ZNF282: variants seen among roughly 807,000 people sequenced by gnomAD.
The protein encoded by ZNF282 is HTLV-I U5 repressive element-binding protein 1.
ZNF282 carries 30 observed loss-of-function variants against 61.9 expected under a neutral mutation model. The observed-to-expected ratio is 0.48, with a 90% confidence interval of 0.36 to 0.66. ZNF282 has a LOEUF of 0.66. ZNF282 is among the 30% of genes least tolerant of loss of function. The pLI, the probability that ZNF282 is intolerant of heterozygous loss-of-function variation, is 0.00. For synonymous variants in ZNF282, 396 were observed against 405.0 expected, an observed-to-expected ratio of 0.98 and a Z score of 0.27; for missense variants, 788 against 941.4, an observed-to-expected ratio of 0.84 and a Z score of 2.13.
At chr7:149,207,889 G>T (rs570091954) in intron 4 of ZNF282, among the ~76,000 whole-genome samples, 6 of 152,286 alleles carry the variant, frequency 3.9e-5, no homozygotes, top group African/African-American at 1.4e-4. Flanking sequence ...CACCTCATTC[G>T]TCGGCCGACA....
chr7:149,208,483 G>A (rs933683735), intron 4 of ZNF282, among the ~76,000 whole-genome samples: 20 of 151,916 alleles, frequency 1.3e-4, no homozygotes, highest in African/African-American at 3.6e-4. Flanking sequence ...GATTACAGGC[G>A]TGAGCCACCA....
Position 149,209,663 on chromosome 7 carries a change from TGACTCATCCACTG to T in ZNF282, c.833-921_833-909del, listed in dbSNP as rs1167501183. 2.6e-5 allele frequency among the ~76,000 whole-genome samples: 4 copies of T among 152,308 alleles called. No individual in the cohort carries two copies. The South Asian group carries it at 6.2e-4, about 24-fold the overall frequency. On this transcript the variant is annotated intron_variant, in intron 4 of 7. Coordinates refer to ENST00000610704, the MANE Select transcript of ZNF282 (RefSeq NM_003575.4). ...TAGACCGGAACCCAGAGAGGCTAAA[TGACTCATCCACTG>T]AGTTGGTGCGGAGTTGAAGGCAGGA...
chr7:149,222,594 C>T (rs1294020766), intron 7 of ZNF282, among the ~76,000 whole-genome samples: 4 of 152,188 alleles, frequency 2.6e-5, no homozygotes, highest in Non-Finnish European at 4.4e-5. Context: ...GGAGACCAGC[C>T]TGGGCAACAT....
At position 149,224,819 on chromosome 7, in the gene ZNF282, T is replaced by C; in HGVS notation, c.*172T>C. On this transcript the variant is annotated 3_prime_UTR_variant, in exon 8 of 8. Transcript: ENST00000610704. ...ATCCCCCAGATCTGTCTGGTCTGAA[T>C]GGACGCCCAGCTCATCTAGGGTGGA... 8.2e-7 allele frequency: 1 copy of C among 1,221,196 alleles called. No homozygotes were observed. Among genetic ancestry groups the C allele is most frequent in the Non-Finnish European group, 1.1e-6 (1 of 907,120 alleles). 75.6% of individuals were successfully genotyped at this position (1,221,196 alleles called of 1,614,324 possible).
intron 2 of ZNF282, among the ~76,000 whole-genome samples, chr7:149,199,942 G>T (rs1006209128): frequency 6.6e-6 from 1 of 151,970 alleles, no homozygotes; most frequent in African/African-American, 2.4e-5. Flanking sequence ...CATAGTAAAA[G>T]CTTCAGCCTA....
At chr7:149,215,146 A>G (rs111361146) in intron 7 of ZNF282, among the ~76,000 whole-genome samples, 29 of 151,286 alleles carry the variant, frequency 1.9e-4, no homozygotes, top group African/African-American at 2.7e-4. Context: ...GGCTGGTCAA[A>G]GGCTTAACAG....
At chr7:149,206,888 C>T in intron 3 of ZNF282, 66 bp downstream of exon 3, 1 of 1,591,686 alleles carries the variant, frequency 6.3e-7, no homozygotes, top group Non-Finnish European at 8.6e-7. Flanking sequence ...GCTTATTTGT[C>T]CACGTTAGCA....
chr7:149,207,366 TC>T lies in ZNF282; in HGVS notation c.732del (p.Lys245SerfsTer48). 1.3e-6 allele frequency: 2 copies of T among 1,587,292 alleles called. No homozygotes were observed. The highest frequency in any genetic ancestry group is 1.7e-5 in the Admixed American group (1 of 57,196). ...TLMSLDAEGS[V>X]PKPDAPVQAE... Reference sequence around the variant, plus strand: ...TCACTTCCAGACGCGGAGGGCTCAGTCCCCAAGCCAGATGCTCCAGTCCAGG... The same window carrying T: ...TCACTTCCAGACGCGGAGGGCTCAGTCCCAAGCCAGATGCTCCAGTCCAGG... On this transcript the variant is annotated frameshift_variant, in exon 4 of 8. Coordinates refer to ENST00000610704, the MANE Select transcript of ZNF282 (RefSeq NM_003575.4). LOFTEE classifies it high-confidence loss of function.
At chr7:149,222,897 C>A (rs761187182) in intron 7 of ZNF282, among the ~76,000 whole-genome samples, 2 of 152,182 alleles carry the variant, frequency 1.3e-5, no homozygotes, top group South Asian at 2.1e-4. Flanking sequence ...CCACCCACCT[C>A]GGCCTCCCAT....
intron 2 of ZNF282, among the ~76,000 whole-genome samples, chr7:149,201,375 C>T (rs1034985596): frequency 1.1e-4 from 17 of 152,156 alleles, no homozygotes; most frequent in African/African-American, 4.1e-4. Context: ...TCATCCTTGT[C>T]CCCCCACCCA....
rs960338690 is a variant in ZNF282 at position 149,212,371 on chromosome 7, T to C, written c.966T>C (p.Ser322=). 3 of 1,609,570 alleles carry C rather than the reference T, an allele frequency of 1.9e-6. No homozygotes were observed. The highest frequency in any genetic ancestry group is 1.3e-5 in the African/African-American group (1 of 74,700). The change falls in exon 6 of 8, where the codon TCT becomes TCC. Residue 322 remains serine, a synonymous_variant. Coordinates refer to ENST00000610704, the MANE Select transcript of ZNF282 (RefSeq NM_003575.4). ...TCCCGCAAGTAGACTCCCCAATTTC[T>C]GCCCAGGACCTCTTGTCCCGGATTA... The part of the protein sequence containing the change: ...PTESITDSPI[S]AQDLLSRIKQ...
At chr7:149,201,292 C>T (rs931211562) in intron 2 of ZNF282, among the ~76,000 whole-genome samples, 4 of 152,210 alleles carry the variant, frequency 2.6e-5, no homozygotes, top group Non-Finnish European at 4.4e-5. Context: ...ACTCCCATCG[C>T]CATCGTCTGG....
rs538721508 is a variant in ZNF282, at chr7:149,205,993, G to A, written c.586-703G>A. On this transcript the variant is annotated intron_variant, in intron 2 of 7. Coordinates refer to ENST00000610704, the MANE Select transcript of ZNF282 (RefSeq NM_003575.4). ...GGACAATTCGGTCCAAGTTGAGGTC[G>A]TGCTGGTGAGTGGCTGAAGTGAGTG... Among the ~76,000 whole-genome samples the A allele has an allele frequency of 2.6e-4, 40 of 152,290 alleles. 1 individual carries two copies. Among genetic ancestry groups the A allele is most frequent in the South Asian group, 2.1e-3 (10 of 4,820 alleles).
chr7:149,211,460 T>A (rs1796083851), intron 5 of ZNF282, among the ~76,000 whole-genome samples: 1 of 152,156 alleles, frequency 6.6e-6, no homozygotes, highest in Non-Finnish European at 1.5e-5. Flanking sequence ...CTTCAGCTGG[T>A]TGATGAGGCC....
chr7:149,222,588 A>G lies in ZNF282; in HGVS notation c.1181-1224A>G, dbSNP rs556974949. ...GATTGCTTGATCCCAGGAGTTGGAGACCAGCCTGGGCAACATAGTGAGACC... is the reference window on the plus strand; with the variant it reads ...GATTGCTTGATCCCAGGAGTTGGAGGCCAGCCTGGGCAACATAGTGAGACC... On this transcript the variant is annotated intron_variant, in intron 7 of 7. Transcript: ENST00000610704. 2.0e-5 allele frequency among the ~76,000 whole-genome samples: 3 copies of G among 152,240 alleles called. No homozygotes were observed. In the East Asian group the frequency reaches 5.8e-4, roughly 29 times the overall value.
At chr7:149,214,694 G>C (rs1026660644) in intron 7 of ZNF282, among the ~76,000 whole-genome samples, 1 of 152,116 alleles carries the variant, frequency 6.6e-6, no homozygotes, top group Non-Finnish European at 1.5e-5. Context: ...TTAGCCAGGC[G>C]TGGTGACTTA....
intron 2 of ZNF282, among the ~76,000 whole-genome samples, chr7:149,199,547 CTACCTGCATT>C (rs1373794371): frequency 6.6e-6 from 1 of 152,206 alleles, no homozygotes; most frequent in African/African-American, 2.4e-5. Flanking sequence ...GGCCCTGCAT[CTACCTGCATT>C]GGTGCCTCAT....
intron 3 of ZNF282, among the ~76,000 whole-genome samples, 187 bp from the exon 4 acceptor site, chr7:149,207,163 TC>T (rs889335832): frequency 3.9e-5 from 6 of 152,166 alleles, no homozygotes; most frequent in African/African-American, 1.4e-4. Context: ...GACCAGCTCT[TC>T]CTACAGTAGA....
chr7:149,207,817 C>G (rs956992906), intron 4 of ZNF282, among the ~76,000 whole-genome samples: 8 of 152,214 alleles, frequency 5.3e-5, no homozygotes, highest in Non-Finnish European at 1.0e-4. Context: ...AAGGAGTCTG[C>G]GGCGCATGTG....
Sources: gnomAD v4.1 joint callset for allele counts (sites outside exome capture counted in the v4.1 genomes callset) on GRCh38, gnomAD v4.1.1 for gene constraint, MANE v1.5 for transcripts, NCBI Gene and HGNC (gene_info 2026-07-23, HGNC 2026-07-21) for gene names.